Variants in RGL2 observed in about 807,000 individuals in gnomAD.
The protein encoded by RGL2 is ral guanine nucleotide dissociation stimulator-like 2.
In RGL2, 40 loss-of-function variants were observed where a neutral mutation model predicts 84.6. The ratio of observed to expected loss-of-function variants is 0.47; its 90% confidence interval spans 0.37 to 0.62. The LOEUF is 0.62. Among genes scored for constraint, RGL2 ranks in the 20% least tolerant of loss-of-function variants. The pLI is 0.00. For synonymous variants in RGL2, 369 were observed against 417.3 expected (o/e 0.88, Z 1.41); for missense variants, 865 against 1,019.7 (o/e 0.85, Z 2.07).
In RGL2 at chr6:33,297,334, G is replaced by C. The variant is rs567652090; in HGVS notation, c.157-219C>G. 2.0e-6 allele frequency: 1 copy of C among 510,202 alleles called. No individual in the cohort carries two copies. The highest frequency in any genetic ancestry group is 3.5e-5 in the South Asian group (1 of 28,438). The allele number at this position is 510,202 out of a possible 1,614,324, so 31.6% of individuals were successfully genotyped here. A position where few individuals can be genotyped will look rare whatever the true frequency, so the allele number is the denominator to read the frequency against. Reference sequence around the variant, plus strand: ...CCAGCCGCCTCAGGGCCCCGGTGGAGTCGAAGGGGCTGCAGTGGAGGCGTG... The same window carrying C: ...CCAGCCGCCTCAGGGCCCCGGTGGACTCGAAGGGGCTGCAGTGGAGGCGTG... On this transcript the variant is annotated intron_variant, in intron 2 of 17. Coordinates refer to ENST00000497454, the MANE Select transcript of RGL2 (RefSeq NM_004761.5). The surrounding 1 kb of genome is among the most constrained non-coding windows in gnomAD (Gnocchi z 4.0).
rs1250995977 is a variant in RGL2, at chr6:33,298,455, C to G, written c.156G>C (p.Glu52Asp). The G allele has an allele frequency of 1.3e-6, 2 of 1,481,930 alleles. No individual in the cohort carries two copies. Among genetic ancestry groups the G allele is most frequent in the Non-Finnish European group, 1.8e-6 (2 of 1,090,374 alleles). 91.8% of individuals were successfully genotyped at this position (1,481,930 alleles called of 1,614,324 possible). A position where few individuals can be genotyped will look rare whatever the true frequency, so the allele number is the denominator to read the frequency against. The change falls in exon 2 of 18, where the codon GAG (glutamate) becomes GAC (aspartate). Residue 52 changes from glutamate (E) to aspartate (D), a missense_variant and splice_region_variant. Around this residue, in one of 5 missense-constraint regions of RGL2, gnomAD observed 455 missense variants for 507.8 expected, o/e 0.90. Transcript: ENST00000497454. The surrounding 1 kb of genome is among the most constrained non-coding windows in gnomAD (Gnocchi z 4.8). The stretch of plus-strand genomic sequence containing the variant: ...CTACCTCCCACCACCCGCGTCTCAC[C>G]TCTTCTTCTTCCTCCTCCTCTTCCT... ...GQEEEEEEEEEAPVSVWDEEE... is the reference protein window; with the variant it reads ...GQEEEEEEEEDAPVSVWDEEE...
chr6:33,294,207 C>G lies in RGL2; in HGVS notation c.1354-141G>C, dbSNP rs1016290810. On this transcript the variant is annotated intron_variant, in intron 11 of 17. Transcript: ENST00000497454. This position sits in a 1 kb window ranked among gnomAD's most constrained non-coding sequence, Gnocchi z 5.0. The stretch of plus-strand genomic sequence containing the variant: ...CAGCCTCTCTGACTCTTCGATCCCT[C>G]CCTGCCTTCCTCCTCAATCTATCAT... 1 of 959,706 alleles carries G rather than the reference C, an allele frequency of 1.0e-6. No individual in the cohort carries two copies. The highest frequency in any genetic ancestry group is 2.4e-5 in the Admixed American group (1 of 41,290). The allele number at this position is 959,706 out of a possible 1,614,324, so 59.4% of individuals were successfully genotyped here. A position where few individuals can be genotyped will look rare whatever the true frequency, so the allele number is the denominator to read the frequency against.
chr6:33,295,086 G>C lies in RGL2; in HGVS notation c.1209+41C>G. ...TAAAAGAGACATGGGGGAGCAGTAG[G>C]GAACAAGGAGAGGTGGGAATGCCAC... On this transcript the variant is annotated intron_variant, in intron 9 of 17. Coordinates refer to ENST00000497454, the MANE Select transcript of RGL2 (RefSeq NM_004761.5). The surrounding 1 kb of genome is among the most constrained non-coding windows in gnomAD (Gnocchi z 7.2). 6.3e-7 allele frequency: 1 copy of C among 1,595,236 alleles called. No individual in the cohort carries two copies. The highest frequency in any genetic ancestry group is 8.5e-7 in the Non-Finnish European group (1 of 1,170,112).
chr6:33,297,035 G>A lies in RGL2; in HGVS notation c.237C>T (p.Pro79=). The A allele has an allele frequency of 6.3e-7, 1 of 1,581,932 alleles. No individual in the cohort carries two copies. The highest frequency in any genetic ancestry group is 1.8e-5 in the Admixed American group (1 of 55,050). The change falls in exon 3 of 18, where the codon CCC becomes CCT. Residue 79 remains proline (P), a synonymous_variant. Transcript: ENST00000497454. The surrounding 1 kb of genome is among the most constrained non-coding windows in gnomAD (Gnocchi z 4.0). ...GAAGCTAAAGTCATGATCTCACCAA[G>A]GGATCAAGAGGTCGATATTGGCGGC... ...VTSRQYRPLD[P]LVPMPPPRSS...
chr6:33,298,125 G>T lies in RGL2; in HGVS notation c.156+330C>A. 1 of 220,428 alleles carries T rather than the reference G, an allele frequency of 4.5e-6. No individual in the cohort carries two copies. Among genetic ancestry groups the T allele is most frequent in the East Asian group, 8.9e-5 (1 of 11,276 alleles). The allele number at this position is 220,428 out of a possible 1,614,324, so 13.7% of individuals were successfully genotyped here. The stretch of plus-strand genomic sequence containing the variant: ...ACCCCTCCCCGCCAAACAAAAACAA[G>T]GAGGGAGACAGGGACCAAGACACGA... On this transcript the variant is annotated intron_variant, in intron 2 of 17. Transcript: ENST00000497454. The surrounding 1 kb of genome is among the most constrained non-coding windows in gnomAD (Gnocchi z 4.8).
At position 33,296,660 on chromosome 6, in the gene RGL2, G is replaced by C; in HGVS notation, c.357C>G (p.Ala119=). The C allele has an allele frequency of 6.2e-7, 1 of 1,613,858 alleles. No individual in the cohort carries two copies. Among genetic ancestry groups the C allele is most frequent in the South Asian group, 1.1e-5 (1 of 91,080 alleles). The part of the protein sequence containing the change: ...TSGTDVSFMS[A]FLATHRAFTS... Reference sequence around the variant, plus strand: ...TGAAGGCCCGGTGGGTAGCCAGGAAGGCTGACATGAAGCTCACATCAGTCC... The same window carrying C: ...TGAAGGCCCGGTGGGTAGCCAGGAACGCTGACATGAAGCTCACATCAGTCC... Residue 119 remains alanine (A), a synonymous_variant, in exon 4 of 18, where the codon GCC becomes GCG. Coordinates refer to ENST00000497454, the MANE Select transcript of RGL2 (RefSeq NM_004761.5). The surrounding 1 kb of genome is among the most constrained non-coding windows in gnomAD (Gnocchi z 5.0).
chr6:33,292,483 T>TCACGATTGTTTTTCTTAAGGA lies in RGL2; in HGVS notation c.2048_2068dup (p.Val683_Arg689dup). 6.2e-7 allele frequency: 1 copy of TCACGATTGTTTTTCTTAAGGA among 1,613,860 alleles called. No homozygotes were observed. Among genetic ancestry groups the TCACGATTGTTTTTCTTAAGGA allele is most frequent in the Non-Finnish European group, 8.5e-7 (1 of 1,179,976 alleles). On this transcript the variant is annotated inframe_insertion, in exon 17 of 18. Coordinates refer to ENST00000497454, the MANE Select transcript of RGL2 (RefSeq NM_004761.5). ...CTCATACTCTGAAGCCACTGCAGAG[T>TCACGATTGTTTTTCTTAAGGA]CACGATTGTTTTTCTTAAGGACACG...
upstream of RGL2, chr6:33,301,290 C>T (rs150805386): frequency 7.9e-3 from 1,235 of 156,132 alleles, 17 homozygotes; most frequent in Middle Eastern, 0.04. Context: ...AAGCATTTCT[C>T]GGGCCTGGTG....
At position 33,296,579 on chromosome 6, in the gene RGL2, C is replaced by T. The variant is rs114290130; in HGVS notation, c.419+19G>A. 2,704 of 1,606,750 alleles carry T rather than the reference C, an allele frequency of 1.7e-3. 46 individuals are homozygous for T. The African/African-American group carries it at 0.03, about 18-fold the overall frequency. On this transcript the variant is annotated intron_variant, in intron 4 of 17. Coordinates refer to ENST00000497454, the MANE Select transcript of RGL2 (RefSeq NM_004761.5). The surrounding 1 kb of genome is among the most constrained non-coding windows in gnomAD (Gnocchi z 5.0). ...TCCGGGCAGATACTCCACTACCCTGCGTCCCTTATGACTCTGACCTGTCAG... is the reference window on the plus strand; with the variant it reads ...TCCGGGCAGATACTCCACTACCCTGTGTCCCTTATGACTCTGACCTGTCAG...
At position 33,294,826 on chromosome 6, in the gene RGL2, A is replaced by C; in HGVS notation, c.1279-64T>G. On this transcript the variant is annotated intron_variant, in intron 10 of 17. Transcript: ENST00000497454. This position sits in a 1 kb window ranked among gnomAD's most constrained non-coding sequence, Gnocchi z 5.0. ...ACGTGAGGGCCCTCCATCCCTCCGC[A>C]CTTGCCCTCCTCATTGCCTCAGAGA... 1 of 1,558,638 alleles carries C rather than the reference A, an allele frequency of 6.4e-7. No homozygotes were observed. Among genetic ancestry groups the C allele is most frequent in the Middle Eastern group, 1.7e-4 (1 of 5,946 alleles).
Position 33,298,661 on chromosome 6 carries a change from G to T in RGL2, c.-41-10C>A. The T allele has an allele frequency of 8.1e-7, 1 of 1,227,342 alleles. No individual in the cohort carries two copies. The highest frequency in any genetic ancestry group is 1.1e-6 in the Non-Finnish European group (1 of 920,068). 76.0% of individuals were successfully genotyped at this position (1,227,342 alleles called of 1,614,324 possible). ...CGGGCCATGGGGGCGCCTGGGGAGA[G>T]ACGGGGTGGGGTGGGGGTGGAGAGT... On this transcript the variant is annotated splice_polypyrimidine_tract_variant and intron_variant, in intron 1 of 17. Transcript: ENST00000497454. This position sits in a 1 kb window ranked among gnomAD's most constrained non-coding sequence, Gnocchi z 4.8.
At position 33,296,987 on chromosome 6, in the gene RGL2, T is replaced by C; in HGVS notation, c.240+45A>G. The C allele has an allele frequency of 6.3e-7, 1 of 1,589,700 alleles. No homozygotes were observed. Among genetic ancestry groups the C allele is most frequent in the Non-Finnish European group, 8.6e-7 (1 of 1,161,036 alleles). On this transcript the variant is annotated intron_variant, in intron 3 of 17. Coordinates refer to ENST00000497454, the MANE Select transcript of RGL2 (RefSeq NM_004761.5). This position sits in a 1 kb window ranked among gnomAD's most constrained non-coding sequence, Gnocchi z 5.0. ...GAAAGTCAGCCAGAGGAAGGAAAACTGGGAATGAAGAGTCAGAGGTGAGAA... is the reference window on the plus strand; with the variant it reads ...GAAAGTCAGCCAGAGGAAGGAAAACCGGGAATGAAGAGTCAGAGGTGAGAA...
Position 33,296,177 on chromosome 6 carries a change from G to A in RGL2, c.619C>T (p.Leu207Phe), listed in dbSNP as rs1451887117. The A allele has an allele frequency of 2.5e-6, 4 of 1,613,832 alleles. No homozygotes were observed. The highest frequency in any genetic ancestry group is 1.3e-5 in the African/African-American group (1 of 74,930). The part of the protein sequence containing the change: ...GKGVGGGSAD[L>F]IRNLRSRVDP... Reference sequence around the variant, plus strand: ...ACCCGGGACCGGAGATTGCGGATGAGGTCAGCGCTGCCCCCCCCAACACCC... The same window carrying A: ...ACCCGGGACCGGAGATTGCGGATGAAGTCAGCGCTGCCCCCCCCAACACCC... The change falls in exon 6 of 18, where the codon CTC (leucine) becomes TTC (phenylalanine). Residue 207 changes from leucine to phenylalanine, a missense_variant. This residue lies in a region of RGL2 where 455 missense variants were observed against 507.8 expected (regional missense o/e 0.90). Transcript: ENST00000497454. This position sits in a 1 kb window ranked among gnomAD's most constrained non-coding sequence, Gnocchi z 5.0.
chr6:33,296,929 G>C lies in RGL2; in HGVS notation c.240+103C>G. Reference sequence around the variant, plus strand: ...GGCCTATGTCACACAGCAGAGTCCAGGACTCCAGAACTCCAACCTAGCACT... The same window carrying C: ...GGCCTATGTCACACAGCAGAGTCCACGACTCCAGAACTCCAACCTAGCACT... On this transcript the variant is annotated intron_variant, in intron 3 of 17. Coordinates refer to ENST00000497454, the MANE Select transcript of RGL2 (RefSeq NM_004761.5). This position sits in a 1 kb window ranked among gnomAD's most constrained non-coding sequence, Gnocchi z 5.0. 1.3e-6 allele frequency: 2 copies of C among 1,484,276 alleles called. No individual in the cohort carries two copies. The highest frequency in any genetic ancestry group is 4.5e-5 in the East Asian group (2 of 44,226). The allele number at this position is 1,484,276 out of a possible 1,614,324, so 91.9% of individuals were successfully genotyped here. A position where few individuals can be genotyped will look rare whatever the true frequency, so the allele number is the denominator to read the frequency against.
At position 33,297,112 on chromosome 6, in the gene RGL2, G is replaced by T; in HGVS notation, c.160C>A (p.Pro54Thr). The change falls in exon 3 of 18, where the codon CCT becomes ACT. Residue 54 changes from proline (P) to threonine (T), a missense_variant. Physicochemically the swap from Pro to Thr is conservative, Grantham distance 38. Coordinates refer to ENST00000497454, the MANE Select transcript of RGL2 (RefSeq NM_004761.5). This position sits in a 1 kb window ranked among gnomAD's most constrained non-coding sequence, Gnocchi z 4.0. ...TCCTCCTCATCCCAGACGGACACAG[G>T]GGCCTGGAGGAGCAAGGAAGGGGAA... ...EEEEEEEEEAPVSVWDEEEDG... is the reference protein window; with the variant it reads ...EEEEEEEEEATVSVWDEEEDG... The T allele has an allele frequency of 6.5e-7, 1 of 1,546,394 alleles. No individual in the cohort carries two copies. Among genetic ancestry groups the T allele is most frequent in the Non-Finnish European group, 8.7e-7 (1 of 1,152,660 alleles).
At position 33,295,294 on chromosome 6, in the gene RGL2, C is replaced by G; in HGVS notation, c.1124+25G>C. 1.3e-6 allele frequency: 2 copies of G among 1,560,804 alleles called. No individual in the cohort carries two copies. Among genetic ancestry groups the G allele is most frequent in the South Asian group, 2.3e-5 (2 of 85,524 alleles). On this transcript the variant is annotated intron_variant, in intron 8 of 17. Coordinates refer to ENST00000497454, the MANE Select transcript of RGL2 (RefSeq NM_004761.5). This position sits in a 1 kb window ranked among gnomAD's most constrained non-coding sequence, Gnocchi z 7.2. ...CCCGCCTTCTGAGGAACCCCCACCC[C>G]AGTCCAATGCCTCAGCCTCCGCACC... is the stretch of plus-strand genomic sequence containing the variant.
chr6:33,292,393 C>T (rs749954472), intron 17 of RGL2, 37 bp downstream of exon 17: 1 of 1,606,868 alleles, frequency 6.2e-7, no homozygotes. Context: ...GTACTCCACT[C>T]TCCTCCCGAG....
Position 33,293,585 on chromosome 6 carries a change from C to A in RGL2, c.1604+19G>T, listed in dbSNP as rs761947625. 7 of 1,613,174 alleles carry A rather than the reference C, an allele frequency of 4.3e-6. No homozygotes were observed. In the Admixed American group the frequency reaches 6.7e-5, roughly 15 times the overall value. ...GTGGAAGTCCCAAGAAACCACCCCCCAGCCAGTGAATCTCTCACTCTGTCC... is the reference window on the plus strand; with the variant it reads ...GTGGAAGTCCCAAGAAACCACCCCCAAGCCAGTGAATCTCTCACTCTGTCC... On this transcript the variant is annotated intron_variant, in intron 14 of 17. Coordinates refer to ENST00000497454, the MANE Select transcript of RGL2 (RefSeq NM_004761.5). The surrounding 1 kb of genome is among the most constrained non-coding windows in gnomAD (Gnocchi z 7.0).
At chr6:33,292,687 A>G (rs1434005934) in intron 16 of RGL2, 143 bp from the exon 17 acceptor site, 2 of 731,608 alleles carry the variant, frequency 2.7e-6, no homozygotes, top group Non-Finnish European at 4.6e-6. Context: ...GTGGCTTCCT[A>G]TACCCCATAA....
Sources: gnomAD v4.1 joint callset for allele counts on GRCh38, gnomAD v4.1.1 for gene constraint, gnomAD v4.1.1 regional missense constraint, Gnocchi (gnomAD v3.1) non-coding constraint, MANE v1.5 for transcripts, NCBI Gene and HGNC (gene_info 2026-07-23, HGNC 2026-07-21) for gene names.